YY1: variants seen among roughly 807,000 people sequenced by gnomAD.
YY1 encodes YY1 transcription factor.
YY1 carries 2 observed loss-of-function variants against 35.6 expected under a neutral mutation model. The observed-to-expected ratio is 0.06, with a 90% confidence interval of 0.02 to 0.18. The LOEUF (loss-of-function observed/expected upper bound fraction) is 0.18. Ranked by LOEUF, YY1 falls within the 10% of genes least tolerant of loss-of-function variation. YY1 has a pLI of 1.00. For synonymous variants in YY1, 268 were observed against 238.9 expected (o/e 1.12, Z -1.12); for missense variants, 322 against 573.4 (o/e 0.56, Z 4.48).
chr14:100,276,260 GC>G lies in YY1; in HGVS notation c.904-228del. 1 of 562,648 alleles carries G rather than the reference GC, an allele frequency of 1.8e-6. No individual in the cohort carries two copies. The highest frequency in any genetic ancestry group is 3.1e-6 in the Non-Finnish European group (1 of 324,424). The allele number at this position is 562,648 out of a possible 1,614,324, so 34.9% of individuals were successfully genotyped here. ...CAAGTCTACTTAAAGACATCTCTAA[GC>G]CTCAGTTTCCTCATCTGTAAAACTA... On this transcript the variant is annotated intron_variant, in intron 3 of 4. Coordinates refer to ENST00000262238, the MANE Select transcript of YY1 (RefSeq NM_003403.5). This position sits in a 1 kb window ranked among gnomAD's most constrained non-coding sequence, Gnocchi z 4.1.
At chr14:100,274,162 C>T (rs955411917) in intron 2 of YY1, among the ~76,000 whole-genome samples, 5 of 152,166 alleles carry the variant, frequency 3.3e-5, no homozygotes, top group African/African-American at 9.7e-5. Context: ...CTCTTCTGTA[C>T]CCTTTAAAAT....
At position 100,272,650 on chromosome 14, in the gene YY1, C is replaced by T. The variant is rs185230577; in HGVS notation, c.843-2048C>T. ...TCACTTAGGTGGGCTTTTTTTTTTT[C>T]GACTTTGACTTTTTAAAAAATTTCA... On this transcript the variant is annotated intron_variant, in intron 2 of 4. Coordinates refer to ENST00000262238, the MANE Select transcript of YY1 (RefSeq NM_003403.5). 5.7e-3 allele frequency among the ~76,000 whole-genome samples: 819 copies of T among 144,594 alleles called. 8 individuals carry two copies. The highest frequency in any genetic ancestry group is 0.019 in the African/African-American group (748 of 39,334). The allele number at this position is 144,594 out of a possible 152,430, so 94.9% of individuals were successfully genotyped here.
At chr14:100,262,500 T>C in intron 2 of YY1, 34 bp downstream of exon 2, 3 of 1,608,020 alleles carry the variant, frequency 1.9e-6, no homozygotes, top group African/African-American at 1.3e-5. Context: ...CTTTTAATTA[T>C]AGAAAGTGCT....
intron 1 of YY1, among the ~76,000 whole-genome samples, chr14:100,240,462 C>G (rs996433576): frequency 6.6e-6 from 1 of 152,022 alleles, no homozygotes; most frequent in African/African-American, 2.4e-5. Context: ...CCGCCCGCCC[C>G]CAACTTCCCC....
intron 1 of YY1, among the ~76,000 whole-genome samples, chr14:100,251,038 T>G (rs1890917053): frequency 6.6e-6 from 1 of 152,148 alleles, no homozygotes; most frequent in Non-Finnish European, 1.5e-5. Context: ...CCTTTGATTT[T>G]TCTGATTAAC....
chr14:100,255,767 T>C (rs1422287063), intron 1 of YY1, among the ~76,000 whole-genome samples: 3 of 152,228 alleles, frequency 2.0e-5, no homozygotes, highest in African/African-American at 7.2e-5. Context: ...TTTTGCTGTA[T>C]GCCACTTGGC....
intron 1 of YY1, among the ~76,000 whole-genome samples, chr14:100,259,878 G>A (rs187987172): frequency 1.3e-5 from 2 of 152,276 alleles, no homozygotes; most frequent in East Asian, 3.9e-4. Context: ...ATGCCAGATT[G>A]AAATAATTTA....
At position 100,276,875 on chromosome 14, in the gene YY1, T is replaced by TG; in HGVS notation, c.1062+229dup. Reference sequence around the variant, plus strand: ...TGGGTACGCAATGTATTGGTGTTGATGGAGTACACTTTATGGCAGGAGGAG... The same window carrying TG: ...TGGGTACGCAATGTATTGGTGTTGATGGGAGTACACTTTATGGCAGGAGGAG... On this transcript the variant is annotated intron_variant, in intron 4 of 4. Coordinates refer to ENST00000262238, the MANE Select transcript of YY1 (RefSeq NM_003403.5). This position sits in a 1 kb window ranked among gnomAD's most constrained non-coding sequence, Gnocchi z 4.1. 1 of 587,834 alleles carries TG rather than the reference T, an allele frequency of 1.7e-6. No individual in the cohort carries two copies. Among genetic ancestry groups the TG allele is most frequent in the South Asian group, 2.0e-5 (1 of 50,358 alleles). The allele number at this position is 587,834 out of a possible 1,614,324, so 36.4% of individuals were successfully genotyped here.
rs1217932961 is a variant in YY1 at position 100,248,123 on chromosome 14, T to TTTTTTTTC, written c.679+8207_679+8208insCTTTTTTT. Among the ~76,000 whole-genome samples, 13 of 138,808 alleles carry TTTTTTTTC rather than the reference T, an allele frequency of 9.4e-5. No homozygotes were observed. In the East Asian group the frequency reaches 1.2e-3, roughly 13 times the overall value. 91.1% of individuals were successfully genotyped at this position (138,808 alleles called of 152,430 possible). A position where few individuals can be genotyped will look rare whatever the true frequency, so the allele number is the denominator to read the frequency against. ...CCACGCCCGGCTAATTTTTTTTTCT[T>TTTTTTTTC]TTTTTTTTTTTTGAGACAGTCTCGC... On this transcript the variant is annotated intron_variant, in intron 1 of 4. Coordinates refer to ENST00000262238, the MANE Select transcript of YY1 (RefSeq NM_003403.5).
rs1453937172 is a variant in YY1, at chr14:100,282,764, T to A, written c.*5164T>A. 6.6e-6 allele frequency: 1 copy of A among 152,236 alleles called. No individual in the cohort carries two copies. Among genetic ancestry groups the A allele is most frequent in the Non-Finnish European group, 1.5e-5 (1 of 68,046 alleles). The allele number at this position is 152,236 out of a possible 1,614,324, so 9.4% of individuals were successfully genotyped here. A position where few individuals can be genotyped will look rare whatever the true frequency, so the allele number is the denominator to read the frequency against. On this transcript the variant is annotated 3_prime_UTR_variant, in exon 5 of 5. Transcript: ENST00000262238. ...ATGTGTAATATGGCTCTATACAATA[T>A]AATAAATGCATAATGTTAAGCTTTT...
intron 1 of YY1, among the ~76,000 whole-genome samples, chr14:100,260,202 G>A (rs1448344426): frequency 6.6e-6 from 1 of 151,760 alleles, no homozygotes; most frequent in Non-Finnish European, 1.5e-5. Context: ...GCAGCCTCCC[G>A]AGTAGCTGGG....
In YY1 at chr14:100,276,656, C is replaced by T. The variant is rs1334201757; in HGVS notation, c.1062+8C>T. On this transcript the variant is annotated splice_region_variant and intron_variant, in intron 4 of 4. Transcript: ENST00000262238. The surrounding 1 kb of genome is among the most constrained non-coding windows in gnomAD (Gnocchi z 4.1). The stretch of plus-strand genomic sequence containing the variant: ...GGAGAGAAGCCCTTTCAGGTAGAGC[C>T]AGTTCCCTCTCTTCCCCACACTGCC... 1.2e-6 allele frequency: 2 copies of T among 1,614,146 alleles called. No homozygotes were observed. Among genetic ancestry groups the T allele is most frequent in the Non-Finnish European group, 1.7e-6 (2 of 1,179,996 alleles).
chr14:100,251,547 C>A (rs1890924328), intron 1 of YY1, among the ~76,000 whole-genome samples: 1 of 152,200 alleles, frequency 6.6e-6, no homozygotes, highest in African/African-American at 2.4e-5. Context: ...CCCTGTATAG[C>A]TTCATTCTGC....
intron 1 of YY1, among the ~76,000 whole-genome samples, chr14:100,245,457 TAATC>T (rs1421555475): frequency 1.3e-5 from 2 of 152,206 alleles, no homozygotes; most frequent in African/African-American, 4.8e-5. Flanking sequence ...TGAATAATCT[TAATC>T]AATTGCTTTA....
At position 100,277,827 on chromosome 14, in the gene YY1, A is replaced by G. The variant is rs1323154292; in HGVS notation, c.*227A>G. 1.8e-6 allele frequency: 1 copy of G among 544,912 alleles called. No homozygotes were observed. The highest frequency in any genetic ancestry group is 3.2e-6 in the Non-Finnish European group (1 of 311,674). The allele number at this position is 544,912 out of a possible 1,614,324, so 33.8% of individuals were successfully genotyped here. A position where few individuals can be genotyped will look rare whatever the true frequency, so the allele number is the denominator to read the frequency against. Reference sequence around the variant, plus strand: ...CTTGCTCTGTAATCTCGTTTCAAAAACACAGTGTTTTTGTAAAGTGTGGTC... The same window carrying G: ...CTTGCTCTGTAATCTCGTTTCAAAAGCACAGTGTTTTTGTAAAGTGTGGTC... On this transcript the variant is annotated 3_prime_UTR_variant, in exon 5 of 5. Coordinates refer to ENST00000262238, the MANE Select transcript of YY1 (RefSeq NM_003403.5). The surrounding 1 kb of genome is among the most constrained non-coding windows in gnomAD (Gnocchi z 5.6).
rs966925892 is a variant in YY1 at position 100,248,111 on chromosome 14, AT to A, written c.679+8197del. 7.9e-5 allele frequency among the ~76,000 whole-genome samples: 6 copies of A among 75,890 alleles called. No homozygotes were observed. The East Asian group carries it at 1.8e-3, about 23-fold the overall frequency. The allele number at this position is 75,890 out of a possible 152,430, so 49.8% of individuals were successfully genotyped here. On this transcript the variant is annotated intron_variant, in intron 1 of 4. Coordinates refer to ENST00000262238, the MANE Select transcript of YY1 (RefSeq NM_003403.5). ...AGGTGTGCACCACCACGCCCGGCTA[AT>A]TTTTTTTTCTTTTTTTTTTTTTTGA...
intron 1 of YY1, among the ~76,000 whole-genome samples, chr14:100,248,389 T>TG (rs1266339464): frequency 1.3e-5 from 2 of 152,156 alleles, no homozygotes; most frequent in Non-Finnish European, 2.9e-5. Flanking sequence ...CCCAAAGTGC[T>TG]GGGATTATAG....
At position 100,239,460 on chromosome 14, in the gene YY1, C is replaced by CCACCACCAT; in HGVS notation, c.225_233dup (p.His78_His80dup). ...GCCACGGGCACGCCGGCCACCACCACCACCACCATCACCACCACCACCACC... is the reference window on the plus strand; with the variant it reads ...GCCACGGGCACGCCGGCCACCACCACCACCACCATCACCACCATCACCACCACCACCACC... On this transcript the variant is annotated inframe_insertion, in exon 1 of 5. Transcript: ENST00000262238. 6.2e-7 allele frequency: 1 copy of CCACCACCAT among 1,600,996 alleles called. No individual in the cohort carries two copies. The highest frequency in any genetic ancestry group is 1.1e-5 in the South Asian group (1 of 90,402).
At chr14:100,260,446 T>C (rs12878987) in intron 1 of YY1, among the ~76,000 whole-genome samples, 83,374 of 139,126 alleles carry the variant, frequency 0.6, 25,014 homozygotes, top group South Asian at 0.79. Context: ...TATATATATA[T>C]ACACACACAC....
Sources: allele counts gnomAD v4.1 joint callset (sites outside exome capture counted in the v4.1 genomes callset), GRCh38; gene constraint gnomAD v4.1.1; non-coding constraint Gnocchi (gnomAD v3.1); transcripts MANE v1.5; gene names NCBI Gene and HGNC (gene_info 2026-07-23, HGNC 2026-07-21).